The following SPAG6 variants were observed in gnomAD, a reference collection of about 807,000 sequenced individuals.
SPAG6 encodes sperm associated antigen 6, also known as sperm-associated antigen 6.
In SPAG6, 49 loss-of-function variants were observed where a neutral mutation model predicts 58.5. That is an observed-to-expected ratio of 0.84 (90% CI 0.67 to 1.06). SPAG6 has a LOEUF of 1.06. Among genes scored for constraint, SPAG6 ranks in the 50% least tolerant of loss-of-function variants. The pLI, the probability that SPAG6 is intolerant of heterozygous loss-of-function variation, is 0.00. For missense variants in SPAG6, 560 were observed against 611.3 expected, an observed-to-expected ratio of 0.92 and a Z score of 0.89; for synonymous variants, 233 against 225.6, an observed-to-expected ratio of 1.03 and a Z score of -0.29.
intron 2 of SPAG6, among the ~76,000 whole-genome samples, chr10:22,346,464 T>TTCTTCC (rs1836541913): frequency 7.1e-6 from 1 of 141,238 alleles, no homozygotes; most frequent in Non-Finnish European, 1.5e-5. Context: ...CTTCTTCTTC[T>TTCTTCC]TCTTCTTCTT....
At chr10:22,406,667 T>A (rs1035306790) in intron 9 of SPAG6, among the ~76,000 whole-genome samples, 2 of 152,238 alleles carry the variant, frequency 1.3e-5, no homozygotes, top group East Asian at 3.9e-4. Context: ...CTTGGTGCAG[T>A]GCTGAGTTCA....
At chr10:22,359,154 A>T (rs1836958937) in intron 2 of SPAG6, among the ~76,000 whole-genome samples, 2 of 152,172 alleles carry the variant, frequency 1.3e-5, no homozygotes, top group African/African-American at 4.8e-5. Context: ...TGGACCCCAG[A>T]AAGAATGCCT....
At chr10:22,388,486 A>G (rs1001831910) in intron 6 of SPAG6, among the ~76,000 whole-genome samples, 6 of 152,116 alleles carry the variant, frequency 3.9e-5, no homozygotes, top group East Asian at 1.9e-4. Flanking sequence ...AGAAATCACA[A>G]AGGTCCCCTG....
intron 4 of SPAG6, among the ~76,000 whole-genome samples, chr10:22,372,099 T>C (rs1833712266): frequency 6.6e-6 from 1 of 152,202 alleles, no homozygotes; most frequent in Non-Finnish European, 1.5e-5. Flanking sequence ...TTTTTCTTAC[T>C]TTTTGTAACC....
At chr10:22,383,048 G>A (rs1833990892) in intron 4 of SPAG6, among the ~76,000 whole-genome samples, 1 of 152,124 alleles carries the variant, frequency 6.6e-6, no homozygotes, top group Non-Finnish European at 1.5e-5. Context: ...TTGTGTAATG[G>A]AAGATATATT....
At chr10:22,346,375 A>T (rs1267393877) in intron 2 of SPAG6, among the ~76,000 whole-genome samples, 4 of 151,316 alleles carry the variant, frequency 2.6e-5, no homozygotes, top group Non-Finnish European at 5.9e-5. Flanking sequence ...AGAGAGGGGG[A>T]GAGGGAGGGA....
intron 10 of SPAG6, chr10:22,412,500 C>T: frequency 6.6e-7 from 1 of 1,523,818 alleles, no homozygotes; most frequent in Non-Finnish European, 8.8e-7. Context: ...TATGAGAACT[C>T]CTTGACCAAA....
chr10:22,404,738 T>G (rs1171079422), intron 9 of SPAG6, among the ~76,000 whole-genome samples: 142 of 145,040 alleles, frequency 9.8e-4, no homozygotes, highest in African/African-American at 3.5e-3. Flanking sequence ...GTATGGCCAT[T>G]TTCACAATAT....
intron 4 of SPAG6, among the ~76,000 whole-genome samples, chr10:22,370,489 A>G (rs1402643342): frequency 6.6e-6 from 1 of 152,218 alleles, no homozygotes; most frequent in Non-Finnish European, 1.5e-5. Context: ...GCCTTTGTTA[A>G]CTACTATACC....
At chr10:22,402,779 A>AT (rs1405771039) in intron 9 of SPAG6, among the ~76,000 whole-genome samples, 1 of 152,154 alleles carries the variant, frequency 6.6e-6, no homozygotes, top group Admixed American at 6.5e-5. Context: ...CCATTTCTTT[A>AT]TTTTTTGTAT....
intron 10 of SPAG6, 108 bp from the exon 11 acceptor site, chr10:22,416,511 T>G: frequency 2.9e-6 from 2 of 684,710 alleles, no homozygotes; most frequent in Non-Finnish European, 5.3e-6. Flanking sequence ...AGAGTGTATT[T>G]GAGATTTCAC....
rs187291162 is a variant in SPAG6 at position 22,366,411 on chromosome 10, G to A, written c.288+1392G>A. On this transcript the variant is annotated intron_variant, in intron 3 of 10. Transcript: ENST00000376624. Reference sequence around the variant, plus strand: ...GGTTGCCAGGGGCTGGAAGGAGAAGGGAATGGGAATTGACTGCTTTATTTG... The same window carrying A: ...GGTTGCCAGGGGCTGGAAGGAGAAGAGAATGGGAATTGACTGCTTTATTTG... Among the ~76,000 whole-genome samples the A allele has an allele frequency of 6.0e-3, 919 of 152,256 alleles. 16 individuals are homozygous for A. Among genetic ancestry groups the A allele is most frequent in the Non-Finnish European group, 6.3e-3 (427 of 68,012 alleles).
In SPAG6 at chr10:22,345,998, G is replaced by A; in HGVS notation, c.121+180G>A. 6.5e-7 allele frequency: 1 copy of A among 1,548,076 alleles called. No individual in the cohort carries two copies. The highest frequency in any genetic ancestry group is 8.7e-7 in the Non-Finnish European group (1 of 1,145,806). On this transcript the variant is annotated intron_variant, in intron 2 of 10. Coordinates refer to ENST00000376624, the MANE Select transcript of SPAG6 (RefSeq NM_012443.4). This position sits in a 1 kb window ranked among gnomAD's most constrained non-coding sequence, Gnocchi z 6.3. ...GGCCGAGAGGGTGAAGCTTCCAGAT[G>A]GTTGTGGGAGGTGCGCGTTGTCCCT... is the stretch of plus-strand genomic sequence containing the variant.
intron 7 of SPAG6, among the ~76,000 whole-genome samples, chr10:22,390,990 G>T (rs1834171562): frequency 6.6e-6 from 1 of 152,098 alleles, no homozygotes; most frequent in Non-Finnish European, 1.5e-5. Context: ...ACAGAATTTG[G>T]AATTAGAATT....
chr10:22,347,733 G>T (rs1588629415), intron 2 of SPAG6, among the ~76,000 whole-genome samples: 1 of 152,136 alleles, frequency 6.6e-6, no homozygotes, highest in East Asian at 1.9e-4. Context: ...TTAGATATAA[G>T]ATTCTACACT....
chr10:22,350,805 T>C (rs1836705656), intron 2 of SPAG6, among the ~76,000 whole-genome samples: 1 of 151,398 alleles, frequency 6.6e-6, no homozygotes, highest in Admixed American at 6.6e-5. Context: ...TCCATTATGC[T>C]ATGCATAAAT....
At chr10:22,389,062 A>G in intron 6 of SPAG6, 98 bp from the exon 7 acceptor site, 3 of 878,070 alleles carry the variant, frequency 3.4e-6, no homozygotes, top group East Asian at 2.5e-5. Flanking sequence ...CAATTTCACC[A>G]GTTGTTTTTA....
chr10:22,360,941 G>A (rs1837019708), intron 2 of SPAG6: 1 of 794,980 alleles, frequency 1.3e-6, no homozygotes, highest in African/African-American at 1.7e-5. Context: ...CAGTTTCCTT[G>A]CATATTTATC....
chr10:22,378,728 A>G (rs1230305593), intron 4 of SPAG6, among the ~76,000 whole-genome samples: 1 of 152,096 alleles, frequency 6.6e-6, no homozygotes, highest in Non-Finnish European at 1.5e-5. Flanking sequence ...TTGTTGTTCA[A>G]GGCTATAACC....
Sources: gnomAD v4.1 joint callset for allele counts (sites outside exome capture counted in the v4.1 genomes callset) on GRCh38, gnomAD v4.1.1 for gene constraint, Gnocchi (gnomAD v3.1) non-coding constraint, MANE v1.5 for transcripts, NCBI Gene and HGNC (gene_info 2026-07-23, HGNC 2026-07-21) for gene names.